Variants in ASTN1 observed in about 807,000 individuals in gnomAD.
ASTN1 encodes the protein astrotactin 1.
In ASTN1, 41 loss-of-function variants were observed where a neutral mutation model predicts 140.7. That is an observed-to-expected ratio of 0.29 (90% CI 0.23 to 0.38). The LOEUF is 0.38. ASTN1 is among the 10% of genes least tolerant of loss of function. The pLI is 1.00. For missense variants in ASTN1, 1,479 were observed against 1,678.8 expected (o/e 0.88, Z 2.08); for synonymous variants, 640 against 652.2 (o/e 0.98, Z 0.29).
At chr1:177,016,929 G>A (rs1157718255) in intron 7 of ASTN1, among the ~76,000 whole-genome samples, 1 of 152,216 alleles carries the variant, frequency 6.6e-6, no homozygotes, top group Non-Finnish European at 1.5e-5. Context: ...GAAGCAGGAA[G>A]TAACCTTAGG....
chr1:176,989,112 C>T (rs1674042631), intron 8 of ASTN1, among the ~76,000 whole-genome samples: 1 of 152,168 alleles, frequency 6.6e-6, no homozygotes, highest in South Asian at 2.1e-4. Context: ...CCAACTTTGA[C>T]TTAGCCCTAG....
At chr1:177,123,275 G>C (rs1159935626) in intron 1 of ASTN1, among the ~76,000 whole-genome samples, 2 of 152,128 alleles carry the variant, frequency 1.3e-5, no homozygotes, top group African/African-American at 4.8e-5. Flanking sequence ...AATATGGAAG[G>C]TCAACACAAA....
intron 1 of ASTN1, among the ~76,000 whole-genome samples, chr1:177,134,358 T>C (rs1048444333): frequency 6.6e-6 from 1 of 152,226 alleles, no homozygotes; most frequent in Non-Finnish European, 1.5e-5. Context: ...CTCTTACAGT[T>C]CTGATCTTGT....
intron 1 of ASTN1, among the ~76,000 whole-genome samples, chr1:177,135,625 A>C (rs1682158115): frequency 6.6e-6 from 1 of 152,156 alleles, no homozygotes; most frequent in East Asian, 1.9e-4. Flanking sequence ...GAAGAGGGGA[A>C]AGCAGGGCAA....
intron 8 of ASTN1, among the ~76,000 whole-genome samples, chr1:176,982,716 C>A (rs1012755409): frequency 6.6e-6 from 1 of 152,076 alleles, no homozygotes; most frequent in Non-Finnish European, 1.5e-5. Context: ...TGGGGCATGG[C>A]CATGGGTATG....
rs558465854 is a variant in ASTN1 at position 176,879,725 on chromosome 1, C to A, written c.3363-3088G>T. 2.2e-4 allele frequency among the ~76,000 whole-genome samples: 33 copies of A among 152,342 alleles called. No individual in the cohort carries two copies. In the East Asian group the frequency reaches 5.0e-3, roughly 23 times the overall value. On this transcript the variant is annotated intron_variant, in intron 20 of 22. Transcript: ENST00000361833. ...GGGCAATCAGTGCAAAATTTAAGTT[C>A]TCCAGCTCTTTCCACTTTTAGTAGT...
chr1:177,151,542 G>A (rs913930690), intron 1 of ASTN1, among the ~76,000 whole-genome samples: 3 of 152,060 alleles, frequency 2.0e-5, no homozygotes, highest in Non-Finnish European at 2.9e-5. Context: ...AAGGGCCTGG[G>A]GAATGGCAGA....
intron 1 of ASTN1, among the ~76,000 whole-genome samples, chr1:177,151,390 G>A (rs904379494): frequency 6.6e-6 from 1 of 151,650 alleles, no homozygotes; most frequent in African/African-American, 2.4e-5. Flanking sequence ...TGGCATTGGA[G>A]TAGAAGGGAT....
chr1:177,135,140 A>C (rs1682129807), intron 1 of ASTN1, among the ~76,000 whole-genome samples: 1 of 151,972 alleles, frequency 6.6e-6, no homozygotes, highest in African/African-American at 2.4e-5. Context: ...TTGTTGCCTC[A>C]TTTCTCAGCA....
chr1:176,965,421 C>T lies in ASTN1; in HGVS notation c.1524-184G>A, dbSNP rs374033907. 9.2e-5 allele frequency among the ~76,000 whole-genome samples: 14 copies of T among 152,156 alleles called. No homozygotes were observed. In the South Asian group the frequency reaches 2.7e-3, roughly 29 times the overall value. ...GAATCCTGGGACCTGACGAAGAACA[C>T]GATAAATGTAAAAATCACTGAACTA... is the stretch of plus-strand genomic sequence containing the variant. On this transcript the variant is annotated intron_variant, in intron 8 of 22. Transcript: ENST00000361833.
intron 17 of ASTN1, among the ~76,000 whole-genome samples, chr1:176,891,707 C>T (rs559640076): frequency 6.4e-4 from 98 of 152,200 alleles, no homozygotes; most frequent in African/African-American, 2.2e-3. Flanking sequence ...GCAGGAGAAT[C>T]GCTTGAACCC....
At chr1:176,860,873 C>T (rs1667938090), downstream of ASTN1, among the ~76,000 whole-genome samples, 1 of 152,184 alleles carries the variant, frequency 6.6e-6, no homozygotes, top group South Asian at 2.1e-4. Context: ...AGATGGGACT[C>T]ACTACTATTA....
At chr1:176,951,106 G>A (rs1672174534) in intron 11 of ASTN1, among the ~76,000 whole-genome samples, 1 of 152,216 alleles carries the variant, frequency 6.6e-6, no homozygotes, top group Admixed American at 6.5e-5. Flanking sequence ...TCCCAGCCTG[G>A]TCCATCTCCC....
intron 9 of ASTN1, among the ~76,000 whole-genome samples, chr1:176,959,382 G>A (rs1298128417): frequency 2.0e-5 from 3 of 152,068 alleles, no homozygotes; most frequent in South Asian, 2.1e-4. Flanking sequence ...AGAACCAAGC[G>A]CTGGCTCCAT....
At chr1:176,980,407 C>T (rs142368771) in intron 8 of ASTN1, among the ~76,000 whole-genome samples, 20 of 152,132 alleles carry the variant, frequency 1.3e-4, no homozygotes, top group Admixed American at 3.9e-4. Context: ...AAGAAGAGTT[C>T]GATGCTGCTG....
rs540793432 is a variant in ASTN1, at chr1:177,034,361, CAT to C, written c.472-1514_472-1513del. Among the ~76,000 whole-genome samples, 1,416 of 152,102 alleles carry C rather than the reference CAT, an allele frequency of 9.3e-3. 14 individuals carry two copies. The highest frequency in any genetic ancestry group is 0.015 in the Non-Finnish European group (1,053 of 67,986). On this transcript the variant is annotated intron_variant, in intron 2 of 22. Coordinates refer to ENST00000361833, the MANE Select transcript of ASTN1 (RefSeq NM_004319.3). ...TCAGCTGCCAAGTGACAGCCTATAT[CAT>C]GTGGCTTGTTGGGGACAGATGTATG... is the stretch of plus-strand genomic sequence containing the variant.
At chr1:177,126,053 A>G (rs1681630602) in intron 1 of ASTN1, among the ~76,000 whole-genome samples, 1 of 152,192 alleles carries the variant, frequency 6.6e-6, no homozygotes, top group Non-Finnish European at 1.5e-5. Context: ...AGAGTGTTTA[A>G]TCTGTCCTTA....
intron 14 of ASTN1, among the ~76,000 whole-genome samples, chr1:176,942,866 A>ATATTGATT (rs1385017638): frequency 2.9e-5 from 2 of 69,978 alleles, no homozygotes; most frequent in African/African-American, 9.0e-5. Flanking sequence ...ATATATATAT[A>ATATTGATT]GATTGATGTC....
intron 1 of ASTN1, among the ~76,000 whole-genome samples, chr1:177,134,038 A>G (rs1216813232): frequency 6.6e-6 from 1 of 152,208 alleles, no homozygotes; most frequent in Non-Finnish European, 1.5e-5. Context: ...ATCGATTGCA[A>G]ATAACAGCAG....
Sources: allele counts gnomAD v4.1 joint callset (sites outside exome capture counted in the v4.1 genomes callset), GRCh38; gene constraint gnomAD v4.1.1; transcripts MANE v1.5; gene names NCBI Gene and HGNC (gene_info 2026-07-23, HGNC 2026-07-21).